STIMATE: variants seen among roughly 807,000 people sequenced by gnomAD.
STIMATE encodes the protein store-operated calcium entry regulator STIMATE.
A neutral mutation model predicts 36.7 loss-of-function variants in STIMATE; 15 were observed. The observed-to-expected ratio is 0.41, with a 90% CI of 0.27 to 0.63. The LOEUF is 0.63. Ranked by LOEUF, STIMATE falls within the 20% of genes least tolerant of loss-of-function variation. STIMATE has a pLI of 0.32. For synonymous variants in STIMATE, 163 were observed against 162.3 expected (o/e 1.00, Z -0.03); for missense variants, 305 against 397.3 (o/e 0.77, Z 1.98).
chr3:52,847,142 T>C (rs1251384197), intron 4 of STIMATE: 1 of 845,246 alleles, frequency 1.2e-6, no homozygotes, highest in African/African-American at 1.9e-5. Flanking sequence ...GCTCCTGGGC[T>C]CAAGCGATCC....
At position 52,842,952 on chromosome 3, in the gene STIMATE, C is replaced by T. The variant is rs755827493; in HGVS notation, c.627G>A (p.Met209Ile). The change falls in exon 7 of 8, where the codon ATG becomes ATA. Residue 209 changes from methionine to isoleucine, a missense_variant. Around this residue, in one of 3 missense-constraint regions of STIMATE, gnomAD observed 164 missense variants for 257.9 expected, o/e 0.64. Transcript: ENST00000355083. The part of the protein sequence containing the change: ...LIVPFFVNAL[M>I]FWVVDNFLMR... The stretch of plus-strand genomic sequence containing the variant: ...TGAGGAAATTGTCCACTACCCAAAA[C>T]ATCAAAGCCTGTGGGAAGGAAAAGT... 1.9e-6 allele frequency: 3 copies of T among 1,614,236 alleles called. No individual in the cohort carries two copies. Among genetic ancestry groups the T allele is most frequent in the South Asian group, 2.2e-5 (2 of 91,090 alleles).
chr3:52,856,420 C>T (rs1701097116), intron 1 of STIMATE, among the ~76,000 whole-genome samples: 1 of 152,192 alleles, frequency 6.6e-6, no homozygotes, highest in Non-Finnish European at 1.5e-5. Flanking sequence ...GTGGCTCATG[C>T]CTGTAATCCC....
At chr3:52,890,048 C>A (rs1293003320) in intron 1 of STIMATE, among the ~76,000 whole-genome samples, 1 of 152,176 alleles carries the variant, frequency 6.6e-6, no homozygotes, top group Non-Finnish European at 1.5e-5. Flanking sequence ...ATGTCGAGAG[C>A]CCTTAGCCTG....
At chr3:52,859,171 TA>T (rs1198637281) in intron 1 of STIMATE, among the ~76,000 whole-genome samples, 1 of 145,766 alleles carries the variant, frequency 6.9e-6, no homozygotes, top group South Asian at 2.1e-4. Flanking sequence ...TCAAAAAAAA[TA>T]AAATAAATAA....
intron 4 of STIMATE, chr3:52,847,488 C>T (rs1385861540): frequency 5.4e-6 from 7 of 1,289,550 alleles, no homozygotes; most frequent in Admixed American, 2.3e-5. Context: ...TCTCAACCGC[C>T]GGGGCTGTGT....
intron 1 of STIMATE, among the ~76,000 whole-genome samples, chr3:52,857,071 G>A (rs1295521569): frequency 2.6e-5 from 4 of 152,206 alleles, no homozygotes; most frequent in African/African-American, 7.2e-5. Flanking sequence ...AGCTGCCAGC[G>A]AGGGTGCAGG....
intron 2 of STIMATE, among the ~76,000 whole-genome samples, chr3:52,853,871 A>C (rs957261493): frequency 2.6e-5 from 4 of 152,256 alleles, no homozygotes; most frequent in African/African-American, 9.6e-5. Context: ...TAGAAGCCCA[A>C]GGCAGCCTAA....
At position 52,837,819 on chromosome 3, in the gene STIMATE, GC is replaced by G. The variant is rs932955480; in HGVS notation, c.*2674del. 6.6e-6 allele frequency: 1 copy of G among 152,234 alleles called. No individual in the cohort carries two copies. Among genetic ancestry groups the G allele is most frequent in the Non-Finnish European group, 1.5e-5 (1 of 68,054 alleles). The allele number at this position is 152,234 out of a possible 1,614,324, so 9.4% of individuals were successfully genotyped here. On this transcript the variant is annotated 3_prime_UTR_variant, in exon 8 of 8. Transcript: ENST00000355083. The stretch of plus-strand genomic sequence containing the variant: ...CAGGTGAAGAGCTGCACCTCGTAAG[GC>G]ACCTTGGAGCAGGTGGAGAGGAAAC...
intron 1 of STIMATE, among the ~76,000 whole-genome samples, chr3:52,864,024 G>A (rs566414193): frequency 1.8e-4 from 27 of 152,342 alleles, no homozygotes; most frequent in African/African-American, 4.6e-4. Context: ...GGCTAACAGC[G>A]CAAGCTGTTG....
rs1701528930 is a variant in STIMATE at position 52,877,915 on chromosome 3, G to A, written c.160+19376C>T. ...TCGAGACCATCCTGGGTAACACAGTGAAACCCTGTCTCTACTAAAAATACA... is the reference window on the plus strand; with the variant it reads ...TCGAGACCATCCTGGGTAACACAGTAAAACCCTGTCTCTACTAAAAATACA... On this transcript the variant is annotated intron_variant, in intron 1 of 7. Transcript: ENST00000355083. Among the ~76,000 whole-genome samples, 5 of 152,132 alleles carry A rather than the reference G, an allele frequency of 3.3e-5. No homozygotes were observed. The South Asian group carries it at 1.0e-3, about 32-fold the overall frequency.
Position 52,852,665 on chromosome 3 carries a change from C to T in STIMATE, c.243G>A (p.Met81Ile). 1 of 1,614,204 alleles carries T rather than the reference C, an allele frequency of 6.2e-7. No individual in the cohort carries two copies. The highest frequency in any genetic ancestry group is 2.2e-5 in the East Asian group (1 of 44,886). ...ATACATTTGCAAAGTGGATGAACAGCATTCCTATGGCTTGTTTGGAAGTGT... is the reference window on the plus strand; with the variant it reads ...ATACATTTGCAAAGTGGATGAACAGTATTCCTATGGCTTGTTTGGAAGTGT... ...FLDTSKQAIG[M>I]LFIHFANVYL... Residue 81 changes from methionine (M) to isoleucine (I), a missense_variant, in exon 3 of 8, where the codon ATG becomes ATA. Met to Ile is a conservative substitution (Grantham distance 10). This residue lies in a region of STIMATE where 164 missense variants were observed against 257.9 expected (regional missense o/e 0.64). Coordinates refer to ENST00000355083, the MANE Select transcript of STIMATE (RefSeq NM_198563.5).
chr3:52,853,978 T>G (rs778744177), intron 2 of STIMATE, among the ~76,000 whole-genome samples: 5 of 152,242 alleles, frequency 3.3e-5, no homozygotes, highest in Non-Finnish European at 5.9e-5. Flanking sequence ...TAGAACCTAC[T>G]TCTGAAGCTT....
At chr3:52,843,150 A>G in intron 6 of STIMATE, 190 bp from the exon 7 acceptor site, 2 of 1,132,812 alleles carry the variant, frequency 1.8e-6, no homozygotes, top group Non-Finnish European at 2.4e-6. Context: ...CCTCGGGTTC[A>G]GTTTTCTGAT....
intron 3 of STIMATE, among the ~76,000 whole-genome samples, chr3:52,851,669 T>C (rs1701001492): frequency 6.6e-6 from 1 of 152,264 alleles, no homozygotes; most frequent in Non-Finnish European, 1.5e-5. Context: ...ATACTTTGTG[T>C]CCAAAGCATC....
chr3:52,891,877 T>C (rs1575352917), intron 1 of STIMATE, among the ~76,000 whole-genome samples: 1 of 152,226 alleles, frequency 6.6e-6, no homozygotes, highest in South Asian at 2.1e-4. Context: ...GCCTAACATG[T>C]GCCTGACACC....
At chr3:52,882,591 C>T (rs79143779) in intron 1 of STIMATE, among the ~76,000 whole-genome samples, 2 of 152,194 alleles carry the variant, frequency 1.3e-5, no homozygotes, top group Non-Finnish European at 2.9e-5. Context: ...GCTAACAGCT[C>T]TTCAAGGTAG....
At chr3:52,885,624 C>A (rs1015856360) in intron 1 of STIMATE, among the ~76,000 whole-genome samples, 3 of 152,210 alleles carry the variant, frequency 2.0e-5, no homozygotes, top group African/African-American at 7.2e-5. Context: ...GAGATCTGTT[C>A]ATAAAAAGTC....
chr3:52,879,588 C>A (rs763927681), intron 1 of STIMATE, among the ~76,000 whole-genome samples: 39 of 152,164 alleles, frequency 2.6e-4, no homozygotes, highest in African/African-American at 4.8e-5. Context: ...ACTGGGAACA[C>A]CGGCTGCGTG....
intron 4 of STIMATE, chr3:52,848,357 C>G (rs1373946999): frequency 6.7e-6 from 1 of 149,992 alleles, no homozygotes; most frequent in Non-Finnish European, 1.5e-5. Flanking sequence ...ATATCACTGC[C>G]TTCTTCCTTT....
Sources: gnomAD v4.1 joint callset for allele counts (sites outside exome capture counted in the v4.1 genomes callset) on GRCh38, gnomAD v4.1.1 for gene constraint, gnomAD v4.1.1 regional missense constraint, MANE v1.5 for transcripts, NCBI Gene and HGNC (gene_info 2026-07-23, HGNC 2026-07-21) for gene names.